ROS1: variants seen among roughly 807,000 people sequenced by gnomAD.
The protein encoded by ROS1 is proto-oncogene tyrosine-protein kinase ROS.
Under a neutral mutation model 273.5 loss-of-function variants are expected in ROS1, and 263 were observed. That is an observed-to-expected ratio of 0.96 (90% CI 0.87 to 1.06). The LOEUF is 1.06. Ranked by LOEUF, ROS1 falls within the 50% of genes least tolerant of loss-of-function variation. The pLI, the probability that ROS1 is intolerant of heterozygous loss-of-function variation, is 0.00. For synonymous variants in ROS1, 1,008 were observed against 954.1 expected (o/e 1.06, Z -1.04); for missense variants, 2,833 against 2,751.1 (o/e 1.03, Z -0.67).
chr6:117,360,273 G>GACAC (rs36181502), intron 23 of ROS1, 69 bp downstream of exon 23: 260,101 of 756,820 alleles, frequency 0.34, 16,190 homozygotes, highest in Non-Finnish European at 0.38. Context: ...ACACCAATGG[G>GACAC]ACACACACAC....
chr6:117,412,597 TAGATAGAC>T (rs1345764022), intron 4 of ROS1, among the ~76,000 whole-genome samples: 6 of 114,524 alleles, frequency 5.2e-5, no homozygotes, highest in African/African-American at 1.6e-4. Context: ...GGTACATAGA[TAGATAGAC>T]AGATAGATAG....
rs549978689 is a variant in ROS1 at position 117,404,406 on chromosome 6, A to G, written c.339T>C (p.Ala113=). 1.9e-6 allele frequency: 3 copies of G among 1,613,264 alleles called. No individual in the cohort carries two copies. In the South Asian group the frequency reaches 3.3e-5, roughly 18 times the overall value. Residue 113 remains alanine, a synonymous_variant, in exon 6 of 44, where the codon GCT becomes GCC. Transcript: ENST00000368507. Reference sequence around the variant, plus strand: ...GGCTTCCAATGGAAGAAGCAAAGGGAGCAGTTGGTAGGTCTGCATTTTCTG... The same window carrying G: ...GGCTTCCAATGGAAGAAGCAAAGGGGGCAGTTGGTAGGTCTGCATTTTCTG... The part of the protein sequence containing the change: ...EVLENADLPT[A]PFASSIGSHN...
At chr6:117,344,321 C>A in intron 27 of ROS1, 59 bp from the exon 28 acceptor site, 1 of 1,181,728 alleles carries the variant, frequency 8.5e-7, no homozygotes, top group Non-Finnish European at 1.2e-6. Flanking sequence ...AGAGGAAAAG[C>A]AGATTTTTAA....
In ROS1 at chr6:117,357,960, C is replaced by T. The variant is rs1239630506; in HGVS notation, c.3683G>A (p.Trp1228Ter). Reference protein sequence around the residue: ...VFDITVITIDWISRHLYFALK... With the variant: ...VFDITVITID Reference sequence around the variant, plus strand: ...TGCAAAGTAGAGGTGCCTTGAAATCCAGTCAATTGTAATAACTGTGATATC... The same window carrying T: ...TGCAAAGTAGAGGTGCCTTGAAATCTAGTCAATTGTAATAACTGTGATATC... The change falls in exon 25 of 44, where the codon TGG becomes TAG. Residue 1228 changes from tryptophan (W) to a stop codon, truncating the protein, a stop_gained. Transcript: ENST00000368507. LOFTEE classifies it high-confidence loss of function. The T allele has an allele frequency of 6.2e-7, 1 of 1,613,530 alleles. No individual in the cohort carries two copies. The highest frequency in any genetic ancestry group is 8.5e-7 in the Non-Finnish European group (1 of 1,179,786).
intron 18 of ROS1, among the ~76,000 whole-genome samples, chr6:117,367,067 C>T (rs114912606): frequency 5.1e-3 from 772 of 152,154 alleles, no homozygotes; most frequent in Non-Finnish European, 6.2e-3. Context: ...AAATGAAACC[C>T]GTAAAAACCA....
chr6:117,300,687 A>G (rs545521868), intron 43 of ROS1, among the ~76,000 whole-genome samples: 1 of 152,186 alleles, frequency 6.6e-6, no homozygotes, highest in South Asian at 2.1e-4. Context: ...GGGAGAAGAG[A>G]AGGAGAACAG....
chr6:117,387,151 A>G (rs1249349432), intron 14 of ROS1, 152 bp from the exon 15 acceptor site: 2 of 492,668 alleles, frequency 4.1e-6, no homozygotes, highest in African/African-American at 3.8e-5. Flanking sequence ...AAAGGATATG[A>G]GTAATTGTTA....
rs1775407216 is a variant in ROS1 at position 117,309,953 on chromosome 6, G to A, written c.6416+128C>T. The A allele has an allele frequency of 3.6e-6, 3 of 842,714 alleles. No homozygotes were observed. In the African/African-American group the frequency reaches 5.1e-5, roughly 14 times the overall value. 52.2% of individuals were successfully genotyped at this position (842,714 alleles called of 1,614,324 possible). A position where few individuals can be genotyped will look rare whatever the true frequency, so the allele number is the denominator to read the frequency against. On this transcript the variant is annotated intron_variant, in intron 41 of 43. Transcript: ENST00000368507. Reference sequence around the variant, plus strand: ...ACCACCAACTCTCACTTTAGCTTGAGGCAAATCACTTAATCTCTCTGGTCT... The same window carrying A: ...ACCACCAACTCTCACTTTAGCTTGAAGCAAATCACTTAATCTCTCTGGTCT...
chr6:117,383,436 CCAT>C lies in ROS1; in HGVS notation c.2359_2361del (p.Met787del), dbSNP rs925428748. On this transcript the variant is annotated inframe_deletion, in exon 17 of 44. Transcript: ENST00000368507. ...AGATATCCACCAACTGAATCCACCACCATGTCATTCACCAATAGCTTCACGTGG... is the reference window on the plus strand; with the variant it reads ...AGATATCCACCAACTGAATCCACCACGTCATTCACCAATAGCTTCACGTGG... 33 of 1,613,884 alleles carry C rather than the reference CCAT, an allele frequency of 2.0e-5. No homozygotes were observed. Among genetic ancestry groups the C allele is most frequent in the Non-Finnish European group, 2.6e-5 (31 of 1,179,872 alleles).
intron 26 of ROS1, among the ~76,000 whole-genome samples, chr6:117,356,015 AT>A (rs1163148191): frequency 2.0e-5 from 3 of 152,084 alleles, no homozygotes; most frequent in Non-Finnish European, 2.9e-5. Flanking sequence ...TAGAGTATAT[AT>A]TTTTTTCTGT....
chr6:117,367,615 A>G (rs1174655333), intron 18 of ROS1, among the ~76,000 whole-genome samples: 2 of 152,216 alleles, frequency 1.3e-5, no homozygotes, highest in African/African-American at 4.8e-5. Flanking sequence ...CCCACTGGGA[A>G]TTAATGAATT....
At chr6:117,342,151 G>A (rs924921115) in intron 29 of ROS1, among the ~76,000 whole-genome samples, 2 of 152,024 alleles carry the variant, frequency 1.3e-5, no homozygotes, top group East Asian at 3.9e-4. Flanking sequence ...GTGTTTCTTG[G>A]TCAAACAATA....
At chr6:117,360,787 T>C (rs1779736211) in intron 22 of ROS1, among the ~76,000 whole-genome samples, 1 of 152,090 alleles carries the variant, frequency 6.6e-6, no homozygotes, top group Non-Finnish European at 1.5e-5. Context: ...AATATATATA[T>C]ATCAATTGAA....
intron 18 of ROS1, among the ~76,000 whole-genome samples, chr6:117,378,167 C>A (rs1781493075): frequency 6.6e-6 from 1 of 152,114 alleles, no homozygotes; most frequent in African/African-American, 2.4e-5. Flanking sequence ...CAATTCTACT[C>A]CTAGGTATTT....
chr6:117,325,915 C>A (rs1025955932), intron 34 of ROS1, among the ~76,000 whole-genome samples: 1 of 151,550 alleles, frequency 6.6e-6, no homozygotes, highest in Non-Finnish European at 1.5e-5. Flanking sequence ...AATTATATGG[C>A]TGGATAGAAC....
intron 18 of ROS1, 85 bp from the exon 19 acceptor site, chr6:117,366,375 TGTGA>T: frequency 1.2e-6 from 1 of 869,222 alleles, no homozygotes; most frequent in Non-Finnish European, 1.9e-6. Flanking sequence ...AATATATGTT[TGTGA>T]GTATCTGTAC....
At chr6:117,346,628 G>A (rs1778401451) in intron 27 of ROS1, among the ~76,000 whole-genome samples, 1 of 151,798 alleles carries the variant, frequency 6.6e-6, no homozygotes, top group Admixed American at 6.6e-5. Context: ...GCAAAATTGA[G>A]AGGAATGTAC....
At chr6:117,374,571 G>T (rs1214177703) in intron 18 of ROS1, among the ~76,000 whole-genome samples, 2 of 152,174 alleles carry the variant, frequency 1.3e-5, no homozygotes, top group Non-Finnish European at 2.9e-5. Context: ...CTTAGGCAAA[G>T]ACTTCATGAC....
At chr6:117,324,263 G>C (rs2128574576) in intron 35 of ROS1, 69 bp downstream of exon 35, 4 of 753,450 alleles carry the variant, frequency 5.3e-6, no homozygotes, top group Non-Finnish European at 9.2e-6. Context: ...GATCAACTAA[G>C]AGATAAATCA....
Sources: gnomAD v4.1 joint callset for allele counts (sites outside exome capture counted in the v4.1 genomes callset) on GRCh38, gnomAD v4.1.1 for gene constraint, MANE v1.5 for transcripts, NCBI Gene and HGNC (gene_info 2026-07-23, HGNC 2026-07-21) for gene names.